DGKB: variants seen among roughly 807,000 people sequenced by gnomAD.
The protein encoded by DGKB is diacylglycerol kinase beta, also known as 90 kDa diacylglycerol kinase.
In DGKB, 67 loss-of-function variants were observed where a neutral mutation model predicts 114.3. The ratio of observed to expected loss-of-function variants is 0.59; its 90% CI spans 0.48 to 0.72. The LOEUF is 0.72. DGKB is among the 30% of genes least tolerant of loss of function. DGKB has a pLI of 0.00. For missense variants in DGKB, 907 were observed against 975.2 expected (o/e 0.93, Z 0.93); for synonymous variants, 398 against 323.1 (o/e 1.23, Z -2.49).
chr7:14,415,065 T>C (rs1366963135), intron 21 of DGKB, among the ~76,000 whole-genome samples: 1 of 151,942 alleles, frequency 6.6e-6, no homozygotes, highest in African/African-American at 2.4e-5. Context: ...AAAATATGTA[T>C]TTCTAAAAGT....
intron 19 of DGKB, among the ~76,000 whole-genome samples, chr7:14,575,637 T>C (rs1440271759): frequency 3.9e-5 from 6 of 152,234 alleles, no homozygotes; most frequent in African/African-American, 1.4e-4. Flanking sequence ...AATATTTTAC[T>C]ACTGATGATG....
At chr7:14,290,227 G>T (rs899472251) in intron 23 of DGKB, among the ~76,000 whole-genome samples, 8 of 152,014 alleles carry the variant, frequency 5.3e-5, no homozygotes, top group African/African-American at 1.9e-4. Flanking sequence ...AAAGAGATCT[G>T]GAAAACAAAA....
intron 17 of DGKB, among the ~76,000 whole-genome samples, chr7:14,602,533 A>T: frequency 6.6e-6 from 1 of 152,132 alleles, no homozygotes; most frequent in East Asian, 1.9e-4. Context: ...GAATGGGATT[A>T]GTGAATTTGT....
At chr7:14,728,981 T>C (rs1049849555) in intron 5 of DGKB, among the ~76,000 whole-genome samples, 2 of 150,530 alleles carry the variant, frequency 1.3e-5, no homozygotes, top group Non-Finnish European at 1.5e-5. Context: ...ATTACAAGCA[T>C]GAACCACTGT....
At chr7:14,634,761 G>A (rs556547457) in intron 13 of DGKB, among the ~76,000 whole-genome samples, 1 of 151,392 alleles carries the variant, frequency 6.6e-6, no homozygotes, top group Admixed American at 6.6e-5. Flanking sequence ...TTATCTCTAG[G>A]ATATAAAAAT....
chr7:14,192,393 T>C (rs1041040036), intron 23 of DGKB, among the ~76,000 whole-genome samples: 1 of 152,158 alleles, frequency 6.6e-6, no homozygotes, highest in Non-Finnish European at 1.5e-5. Flanking sequence ...CCTAGGAATA[T>C]ATTTAACCAA....
At chr7:14,824,407 G>C (rs531028892) in intron 2 of DGKB, among the ~76,000 whole-genome samples, 3 of 152,078 alleles carry the variant, frequency 2.0e-5, no homozygotes, top group Admixed American at 1.3e-4. Flanking sequence ...ACGTGTAAGG[G>C]AGAAAAAGTA....
chr7:14,274,942 A>AGTGTGTGT lies in DGKB; in HGVS notation c.2122+63565_2122+63572dup, dbSNP rs10538591. Among the ~76,000 whole-genome samples the AGTGTGTGT allele has an allele frequency of 4.7e-3, 681 of 146,380 alleles. 7 individuals carry two copies. Among genetic ancestry groups the AGTGTGTGT allele is most frequent in the African/African-American group, 0.016 (639 of 40,148 alleles). On this transcript the variant is annotated intron_variant, in intron 23 of 25. Coordinates refer to ENST00000402815, the MANE Select transcript of DGKB (RefSeq NM_001350709.2). ...TGGGGGGTGCACTTCAGTCCATAGCAGTGTGTGTGTGTGTGTGTGTGTGTG... is the reference window on the plus strand; with the variant it reads ...TGGGGGGTGCACTTCAGTCCATAGCAGTGTGTGTGTGTGTGTGTGTGTGTGTGTGTGTG...
Position 14,148,980 on chromosome 7 carries a change from G to T in DGKB, c.*151C>A. On this transcript the variant is annotated 3_prime_UTR_variant, in exon 26 of 26. Coordinates refer to ENST00000402815, the MANE Select transcript of DGKB (RefSeq NM_001350709.2). The stretch of plus-strand genomic sequence containing the variant: ...TGAGACAATAAATTTTCTAATAGCT[G>T]AATTTTACATTAGCTTAGTAACAAA... The T allele has an allele frequency of 1.5e-6, 1 of 666,276 alleles. No homozygotes were observed. The highest frequency in any genetic ancestry group is 2.6e-6 in the Non-Finnish European group (1 of 391,096). 41.3% of individuals were successfully genotyped at this position (666,276 alleles called of 1,614,324 possible).
At chr7:14,669,091 C>A (rs944147599) in intron 13 of DGKB, among the ~76,000 whole-genome samples, 4 of 152,272 alleles carry the variant, frequency 2.6e-5, no homozygotes, top group Non-Finnish European at 5.9e-5. Context: ...AGGCTTCTTA[C>A]ACATCTTGCA....
chr7:14,567,427 A>ATATATATAATTATATTATATAT (rs1797696940), intron 20 of DGKB, among the ~76,000 whole-genome samples: 3 of 51,356 alleles, frequency 5.8e-5, no homozygotes, highest in African/African-American at 1.5e-4. Context: ...TTTATATATT[A>ATATATATAATTATATTATATAT]TATATATAAT....
chr7:14,302,286 T>A (rs1489388134), intron 23 of DGKB, among the ~76,000 whole-genome samples: 1 of 151,870 alleles, frequency 6.6e-6, no homozygotes, highest in African/African-American at 2.4e-5. Context: ...CATAAGAAAA[T>A]CTTCTGTGTT....
chr7:14,302,869 T>C (rs148177818), intron 23 of DGKB, among the ~76,000 whole-genome samples: 2 of 152,124 alleles, frequency 1.3e-5, no homozygotes, highest in Admixed American at 6.6e-5. Context: ...AGATCTATGA[T>C]GGGAGGTATA....
chr7:14,513,658 T>C (rs1246361021), intron 20 of DGKB, among the ~76,000 whole-genome samples: 2 of 152,004 alleles, frequency 1.3e-5, no homozygotes, highest in Non-Finnish European at 2.9e-5. Context: ...GTGTCAAATT[T>C]TACACTAAAA....
intron 1 of DGKB, among the ~76,000 whole-genome samples, chr7:14,950,931 G>T (rs1420803191): frequency 6.6e-6 from 1 of 151,484 alleles, no homozygotes; most frequent in Non-Finnish European, 1.5e-5. Context: ...ATGTAAGCTT[G>T]GTTTACATCC....
chr7:14,337,744 C>T (rs965788418), intron 23 of DGKB, among the ~76,000 whole-genome samples: 1 of 152,062 alleles, frequency 6.6e-6, no homozygotes, highest in East Asian at 1.9e-4. Flanking sequence ...TCAATGTCAT[C>T]AGTAGTATTA....
intron 12 of DGKB, among the ~76,000 whole-genome samples, chr7:14,681,796 G>C (rs1210501296): frequency 1.3e-5 from 2 of 151,978 alleles, no homozygotes; most frequent in Non-Finnish European, 2.9e-5. Context: ...AGCTAGATTT[G>C]ACAGTCATTC....
chr7:14,579,610 C>G (rs1357252990), intron 19 of DGKB, among the ~76,000 whole-genome samples: 1 of 152,076 alleles, frequency 6.6e-6, no homozygotes, highest in African/African-American at 2.4e-5. Flanking sequence ...ATTGCATGAA[C>G]TCTAATGCAA....
At chr7:14,899,959 T>G (rs574656097) in intron 1 of DGKB, among the ~76,000 whole-genome samples, 11 of 152,236 alleles carry the variant, frequency 7.2e-5, no homozygotes, top group African/African-American at 2.6e-4. Flanking sequence ...TTTCAGAAAT[T>G]TGTTTATTCC....
Sources: allele counts gnomAD v4.1 joint callset (sites outside exome capture counted in the v4.1 genomes callset), GRCh38; gene constraint gnomAD v4.1.1; transcripts MANE v1.5; gene names NCBI Gene and HGNC (gene_info 2026-07-23, HGNC 2026-07-21).